KIF27: variants seen among roughly 807,000 people sequenced by gnomAD.
KIF27 encodes kinesin family member 27.
Under a neutral mutation model 141.8 loss-of-function variants are expected in KIF27, and 84 were observed. That is an observed-to-expected ratio of 0.59 (90% CI 0.50 to 0.71). The LOEUF is 0.71. KIF27 is among the 30% of genes least tolerant of loss of function. KIF27 has a pLI of 0.00. For synonymous variants in KIF27, 471 were observed against 569.5 expected, an observed-to-expected ratio of 0.83 and a Z score of 2.46; for missense variants, 1,306 against 1,628.4, an observed-to-expected ratio of 0.80 and a Z score of 3.41.
chr9:83,859,591 G>T (rs1205167065), intron 13 of KIF27: 2 of 495,326 alleles, frequency 4.0e-6, no homozygotes, highest in Middle Eastern at 5.6e-4. Context: ...GAGTGCAATG[G>T]TGCAACCTCA....
intron 2 of KIF27, among the ~76,000 whole-genome samples, chr9:83,911,540 G>C (rs913050202): frequency 2.6e-5 from 4 of 151,764 alleles, no homozygotes; most frequent in African/African-American, 9.7e-5. Context: ...ACTTTTATGT[G>C]TTTGGTTTTG....
chr9:83,852,789 CG>C (rs1199271801), intron 15 of KIF27, among the ~76,000 whole-genome samples: 15 of 152,044 alleles, frequency 9.9e-5, no homozygotes, highest in African/African-American at 3.6e-4. Flanking sequence ...CTACCATACC[CG>C]GCTAATTTTG....
chr9:83,912,201 A>T (rs1427342427), intron 2 of KIF27, among the ~76,000 whole-genome samples: 1 of 152,246 alleles, frequency 6.6e-6, no homozygotes, highest in Non-Finnish European at 1.5e-5. Flanking sequence ...TGTTCCATGG[A>T]AAATGTATTC....
At chr9:83,885,979 A>T (rs1952069813) in intron 9 of KIF27, among the ~76,000 whole-genome samples, 1 of 151,296 alleles carries the variant, frequency 6.6e-6, no homozygotes. Flanking sequence ...TTTAAGAAGC[A>T]TCCTCTGCTT....
intron 16 of KIF27, among the ~76,000 whole-genome samples, chr9:83,847,222 A>G (rs1347995768): frequency 5.9e-5 from 9 of 152,202 alleles, no homozygotes; most frequent in Admixed American, 2.0e-4. Flanking sequence ...AGCTACGACC[A>G]TGTGACCAGC....
intron 13 of KIF27, among the ~76,000 whole-genome samples, chr9:83,866,948 ACCC>A (rs373091907): frequency 1.7e-5 from 2 of 118,118 alleles, no homozygotes; most frequent in South Asian, 3.0e-4. Flanking sequence ...TATTTTATTC[ACCC>A]CCCCCCCAAA....
intron 17 of KIF27, 62 bp downstream of exon 17, chr9:83,842,175 T>A: frequency 7.0e-7 from 1 of 1,425,600 alleles, no homozygotes; most frequent in Admixed American, 2.7e-5. Context: ...ACTACAAAGC[T>A]GGCATGACTT....
intron 2 of KIF27, among the ~76,000 whole-genome samples, chr9:83,909,404 G>C (rs2132691674): frequency 1.3e-5 from 2 of 152,228 alleles, no homozygotes; most frequent in East Asian, 3.9e-4. Flanking sequence ...GAGCCCAGGA[G>C]TTCAAGACCA....
intron 8 of KIF27, 118 bp downstream of exon 8, chr9:83,888,371 C>G (rs550682778): frequency 4.5e-6 from 2 of 446,478 alleles, no homozygotes; most frequent in Non-Finnish European, 8.0e-6. Context: ...ACTAGGAAAG[C>G]ATTTGTACCA....
intron 16 of KIF27, among the ~76,000 whole-genome samples, chr9:83,847,267 CCTT>C (rs1436365421): frequency 3.3e-5 from 5 of 152,170 alleles, no homozygotes; most frequent in African/African-American, 1.2e-4. Context: ...CATAGTTCCT[CCTT>C]ATTTTGTTAA....
chr9:83,889,551 T>A (rs988922278), intron 6 of KIF27, among the ~76,000 whole-genome samples: 1 of 151,726 alleles, frequency 6.6e-6, no homozygotes, highest in Non-Finnish European at 1.5e-5. Flanking sequence ...ATGGAAAACA[T>A]CCTAGCTCTT....
At chr9:83,914,832 G>T (rs1384959258) in intron 2 of KIF27, among the ~76,000 whole-genome samples, 1 of 152,092 alleles carries the variant, frequency 6.6e-6, no homozygotes, top group African/African-American at 2.4e-5. Flanking sequence ...ATAAGCAGGA[G>T]AAATTATGTC....
intron 4 of KIF27, among the ~76,000 whole-genome samples, chr9:83,902,814 T>C (rs1402442588): frequency 6.6e-6 from 1 of 151,648 alleles, no homozygotes; most frequent in African/African-American, 2.4e-5. Flanking sequence ...GAGGAAGCAA[T>C]AGGAAAGGGG....
In KIF27 at chr9:83,870,082, C is replaced by T. The variant is rs542879434; in HGVS notation, c.2757+437G>A. On this transcript the variant is annotated intron_variant, in intron 12 of 17. Coordinates refer to ENST00000297814, the MANE Select transcript of KIF27 (RefSeq NM_017576.4). ...AAATACTAGAAATTTTGCATTTGGG[C>T]GGCATCTAGTGTTTGAAGGTTTTAT... Among the ~76,000 whole-genome samples, 10 of 152,174 alleles carry T rather than the reference C, an allele frequency of 6.6e-5. No individual in the cohort carries two copies. The South Asian group carries it at 1.7e-3, about 25-fold the overall frequency.
intron 5 of KIF27, among the ~76,000 whole-genome samples, chr9:83,895,659 A>G (rs2132445068): frequency 6.6e-6 from 1 of 152,028 alleles, no homozygotes; most frequent in African/African-American, 2.4e-5. Flanking sequence ...AAAGATACAG[A>G]AGGTGAAAGG....
At chr9:83,898,018 G>A (rs1188618615) in intron 5 of KIF27, among the ~76,000 whole-genome samples, 1 of 152,098 alleles carries the variant, frequency 6.6e-6, no homozygotes, top group Non-Finnish European at 1.5e-5. Flanking sequence ...AGTATAAAGT[G>A]GAAAACAATC....
chr9:83,835,468 T>G lies in KIF27; in HGVS notation c.*1533A>C, dbSNP rs1945724849. 1 of 152,118 alleles carries G rather than the reference T, an allele frequency of 6.6e-6. No homozygotes were observed. Among genetic ancestry groups the G allele is most frequent in the Non-Finnish European group, 1.5e-5 (1 of 68,012 alleles). 9.4% of individuals were successfully genotyped at this position (152,118 alleles called of 1,614,324 possible). A position where few individuals can be genotyped will look rare whatever the true frequency, so the allele number is the denominator to read the frequency against. Reference sequence around the variant, plus strand: ...CCCAGGTAAGTCCACAGAAATCTATTTAATTTAAATAAATTTTAGTACCAT... The same window carrying G: ...CCCAGGTAAGTCCACAGAAATCTATGTAATTTAAATAAATTTTAGTACCAT... On this transcript the variant is annotated 3_prime_UTR_variant, in exon 18 of 18. Transcript: ENST00000297814.
chr9:83,846,032 C>A (rs1447722569), intron 16 of KIF27, among the ~76,000 whole-genome samples: 3 of 152,066 alleles, frequency 2.0e-5, no homozygotes, highest in Non-Finnish European at 4.4e-5. Flanking sequence ...GGCCCATGAA[C>A]AAAGTGGCCA....
intron 17 of KIF27, among the ~76,000 whole-genome samples, chr9:83,838,439 T>A (rs1289938122): frequency 6.6e-6 from 1 of 152,170 alleles, no homozygotes; most frequent in Non-Finnish European, 1.5e-5. Flanking sequence ...TTCACCGTGT[T>A]AGCCAGGATG....
Sources: gnomAD v4.1 joint callset for allele counts (sites outside exome capture counted in the v4.1 genomes callset) on GRCh38, gnomAD v4.1.1 for gene constraint, MANE v1.5 for transcripts, NCBI Gene and HGNC (gene_info 2026-07-23, HGNC 2026-07-21) for gene names.